Variants in OCIAD2 observed in about 807,000 individuals in gnomAD.
OCIAD2 encodes OCIA domain-containing protein 2.
OCIAD2 carries 29 observed loss-of-function variants against 22.9 expected under a neutral mutation model. The observed-to-expected ratio is 1.27, with a 90% CI of 0.94 to 1.73. The LOEUF is 1.73. Ranked by LOEUF, OCIAD2 falls within the 40% of genes most tolerant of loss-of-function variation. OCIAD2 has a pLI of 0.00. For missense variants in OCIAD2, 189 were observed against 180.3 expected (o/e 1.05, Z -0.28); for synonymous variants, 67 against 60.2 (o/e 1.11, Z -0.52).
intron 4 of OCIAD2, among the ~76,000 whole-genome samples, chr4:48,895,482 A>T (rs1235931198): frequency 6.6e-6 from 1 of 152,220 alleles, no homozygotes. Flanking sequence ...GGGTTATCCC[A>T]TGGCAAGGAA....
In OCIAD2 at chr4:48,904,193, T is replaced by A. The variant is rs185697009; in HGVS notation, c.66+291A>T. On this transcript the variant is annotated intron_variant, in intron 2 of 6. Coordinates refer to ENST00000508632, the MANE Select transcript of OCIAD2 (RefSeq NM_001014446.3). ...CTGACCAGGCATGGTGGCTCACGCC[T>A]GTAATCCCAGCACTTTGGCAGGCCT... Among the ~76,000 whole-genome samples the A allele has an allele frequency of 2.4e-4, 36 of 152,162 alleles. No individual in the cohort carries two copies. In the East Asian group the frequency reaches 6.6e-3, roughly 28 times the overall value.
chr4:48,903,275 A>G (rs949801878), intron 2 of OCIAD2, among the ~76,000 whole-genome samples: 14 of 152,200 alleles, frequency 9.2e-5, no homozygotes, highest in African/African-American at 2.7e-4. Flanking sequence ...CTAATTAGTA[A>G]TAAAGGACTC....
chr4:48,890,497 A>C (rs1781138319), intron 6 of OCIAD2, among the ~76,000 whole-genome samples: 1 of 152,216 alleles, frequency 6.6e-6, no homozygotes, highest in Admixed American at 6.5e-5. Context: ...AGATTTGGAC[A>C]CATATGTGCA....
At position 48,892,858 on chromosome 4, in the gene OCIAD2, C is replaced by T. The variant is rs1323976423; in HGVS notation, c.297G>A (p.Lys99=). The change falls in exon 6 of 7, where the codon AAG becomes AAA. Residue 99 remains lysine (K), a synonymous_variant. Transcript: ENST00000508632. ...LAGLLGFGLG[K]VSYIGVCQSK... is the part of the protein sequence containing the mutation. ...TCTGGCATACTCCTATGTATGATAC[C>T]TTTCCAAGGCCAAATCCCAAGAGAC... 2.5e-6 allele frequency: 4 copies of T among 1,609,092 alleles called. No homozygotes were observed. The highest frequency in any genetic ancestry group is 3.4e-6 in the Non-Finnish European group (4 of 1,177,174).
intron 2 of OCIAD2, among the ~76,000 whole-genome samples, chr4:48,901,938 G>A (rs1781427179): frequency 6.6e-6 from 1 of 151,888 alleles, no homozygotes; most frequent in South Asian, 2.1e-4. Context: ...TAATAGAGCT[G>A]GGGGAGGCGT....
intron 6 of OCIAD2, among the ~76,000 whole-genome samples, chr4:48,887,662 T>C (rs1026506301): frequency 3.9e-5 from 6 of 152,218 alleles, no homozygotes; most frequent in South Asian, 4.1e-4. Context: ...TGCGGCATTA[T>C]TTCTGAGGGC....
At position 48,903,650 on chromosome 4, in the gene OCIAD2, T is replaced by G. The variant is rs58520892; in HGVS notation, c.66+834A>C. Among the ~76,000 whole-genome samples the G allele has an allele frequency of 3.0e-3, 449 of 147,692 alleles. 1 individual carries two copies. Among genetic ancestry groups the G allele is most frequent in the African/African-American group, 0.011 (419 of 39,854 alleles). On this transcript the variant is annotated intron_variant, in intron 2 of 6. Transcript: ENST00000508632. ...TAAAGAAAGGGTTTTTTTTTTTTTT[T>G]TTTTTCTTTTTTTTGAGACAGAGTC...
intron 5 of OCIAD2, chr4:48,893,092 G>A (rs1026148546): frequency 2.4e-6 from 1 of 422,560 alleles, no homozygotes; most frequent in Admixed American, 4.2e-5. Context: ...CACTGGTGGT[G>A]GAAGGGCCAG....
intron 3 of OCIAD2, 148 bp downstream of exon 3, chr4:48,899,681 A>G (rs547425478): frequency 3.4e-6 from 2 of 587,210 alleles, no homozygotes; most frequent in Admixed American, 6.6e-5. Context: ...AAAAGGTCTG[A>G]ACTTGGATTT....
At position 48,900,058 on chromosome 4, in the gene OCIAD2, C is replaced by A. The variant is rs1781382298; in HGVS notation, c.67-133G>T. 3 of 567,662 alleles carry A rather than the reference C, an allele frequency of 5.3e-6. No homozygotes were observed. In the South Asian group the frequency reaches 6.8e-5, roughly 13 times the overall value. 35.2% of individuals were successfully genotyped at this position (567,662 alleles called of 1,614,324 possible). A position where few individuals can be genotyped will look rare whatever the true frequency, so the allele number is the denominator to read the frequency against. ...GTTCTCTACCAGAGGCAGCCCAAAGCAATTATCAGTTTCCAAGAGTGCTTT... is the reference window on the plus strand; with the variant it reads ...GTTCTCTACCAGAGGCAGCCCAAAGAAATTATCAGTTTCCAAGAGTGCTTT... On this transcript the variant is annotated intron_variant, in intron 2 of 6. Transcript: ENST00000508632.
intron 6 of OCIAD2, among the ~76,000 whole-genome samples, chr4:48,890,252 TAAAAA>T (rs556448534): frequency 7.0e-6 from 1 of 142,728 alleles, no homozygotes; most frequent in Non-Finnish European, 1.6e-5. Context: ...AACTTAAAGT[TAAAAA>T]AAAAAAGAAA....
At chr4:48,896,922 C>G (rs959655336) in intron 4 of OCIAD2, among the ~76,000 whole-genome samples, 2 of 152,078 alleles carry the variant, frequency 1.3e-5, no homozygotes, top group African/African-American at 4.8e-5. Flanking sequence ...GAAGGAAGAA[C>G]AGAGAGGAAA....
chr4:48,904,405 C>T, intron 2 of OCIAD2, 79 bp downstream of exon 2: 1 of 1,214,670 alleles, frequency 8.2e-7, no homozygotes, highest in Non-Finnish European at 1.2e-6. Flanking sequence ...GCCATGACTG[C>T]ACCACTGCAC....
At chr4:48,898,998 T>G (rs755888387) in intron 3 of OCIAD2, among the ~76,000 whole-genome samples, 3 of 152,166 alleles carry the variant, frequency 2.0e-5, no homozygotes, top group Admixed American at 6.5e-5. Context: ...TGACAACTCA[T>G]AAGTTGTCAG....
chr4:48,904,058 A>G (rs1781474326), intron 2 of OCIAD2, among the ~76,000 whole-genome samples: 1 of 152,234 alleles, frequency 6.6e-6, no homozygotes, highest in East Asian at 1.9e-4. Flanking sequence ...AAGCCCATCC[A>G]ACAAAGTGCC....
intron 2 of OCIAD2, among the ~76,000 whole-genome samples, chr4:48,901,863 C>T (rs1781425692): frequency 6.6e-6 from 1 of 152,166 alleles, no homozygotes; most frequent in Non-Finnish European, 1.5e-5. Flanking sequence ...CCACCTCAGC[C>T]TCCTGAGTAG....
intron 6 of OCIAD2, among the ~76,000 whole-genome samples, chr4:48,889,898 C>T (rs1056458569): frequency 5.3e-5 from 8 of 152,128 alleles, no homozygotes; most frequent in African/African-American, 9.7e-5. Context: ...AAATGTGGCA[C>T]ATATACACCT....
At chr4:48,887,552 A>C (rs776663219) in intron 6 of OCIAD2, among the ~76,000 whole-genome samples, 2 of 152,236 alleles carry the variant, frequency 1.3e-5, no homozygotes, top group Non-Finnish European at 2.9e-5. Flanking sequence ...AGCTTTCTAC[A>C]TATGGCTAGC....
At chr4:48,902,645 A>T (rs1286524735) in intron 2 of OCIAD2, among the ~76,000 whole-genome samples, 1 of 152,160 alleles carries the variant, frequency 6.6e-6, no homozygotes, top group Non-Finnish European at 1.5e-5. Context: ...CTTAATAAAC[A>T]AATGCACACA....
Sources: gnomAD v4.1 joint callset for allele counts (sites outside exome capture counted in the v4.1 genomes callset) on GRCh38, gnomAD v4.1.1 for gene constraint, MANE v1.5 for transcripts, NCBI Gene and HGNC (gene_info 2026-07-23, HGNC 2026-07-21) for gene names.